OSBPL10: variants seen among roughly 807,000 people sequenced by gnomAD.
OSBPL10 encodes oxysterol-binding protein-related protein 10.
Under a neutral mutation model 81.7 loss-of-function variants are expected in OSBPL10, and 49 were observed. The ratio of observed to expected loss-of-function variants is 0.60; its 90% CI spans 0.48 to 0.76. OSBPL10 has a LOEUF of 0.76. OSBPL10 is among the 30% of genes least tolerant of loss of function. The probability of loss-of-function intolerance (pLI) is 0.00; values close to 1 mark genes in which losing one functional copy is unlikely to be tolerated. For missense variants in OSBPL10, 923 were observed against 987.8 expected, an observed-to-expected ratio of 0.93 and a Z score of 0.88; for synonymous variants, 419 against 383.6, an observed-to-expected ratio of 1.09 and a Z score of -1.08.
chr3:31,781,842 A>T (rs1698703306), intron 4 of OSBPL10, among the ~76,000 whole-genome samples: 1 of 152,218 alleles, frequency 6.6e-6, no homozygotes, highest in Non-Finnish European at 1.5e-5. Flanking sequence ...CCATGTTCAT[A>T]GATGGATGGC....
At chr3:32,042,204 C>A (rs1157113549) in intron 2 of OSBPL10, among the ~76,000 whole-genome samples, 1 of 152,208 alleles carries the variant, frequency 6.6e-6, no homozygotes, top group African/African-American at 2.4e-5. Flanking sequence ...GACAATTTCA[C>A]CTCCCATCTG....
At chr3:31,753,226 T>G (rs1006647648) in intron 4 of OSBPL10, among the ~76,000 whole-genome samples, 2 of 151,054 alleles carry the variant, frequency 1.3e-5, no homozygotes, top group African/African-American at 2.4e-5. Context: ...CAATCTTTAT[T>G]GACCAGGCTG....
At chr3:31,957,342 G>A (rs1698038455) in intron 1 of OSBPL10, among the ~76,000 whole-genome samples, 1 of 152,070 alleles carries the variant, frequency 6.6e-6, no homozygotes, top group African/African-American at 2.4e-5. Flanking sequence ...TCTCCCCTGA[G>A]CACAGTTATG....
At chr3:31,981,691 G>GCAGCCCCACCCAC (rs1698848860), upstream of OSBPL10, 1 of 152,848 alleles carries the variant, frequency 6.5e-6, no homozygotes, top group East Asian at 1.9e-4. The surrounding 1 kb of genome is among the most constrained non-coding windows in gnomAD (Gnocchi z 4.5). Flanking sequence ...GGAGGGAGGG[G>GCAGCCCCACCCAC]CAGCCCCACC....
upstream of OSBPL10, among the ~76,000 whole-genome samples, chr3:31,983,886 C>A (rs1698897337): frequency 6.6e-6 from 1 of 152,196 alleles, no homozygotes; most frequent in Non-Finnish European, 1.5e-5. Flanking sequence ...ACAGTTTCAT[C>A]TTGCTTGTTA....
At chr3:31,915,440 T>C (rs1696726906) in intron 1 of OSBPL10, among the ~76,000 whole-genome samples, 1 of 152,142 alleles carries the variant, frequency 6.6e-6, no homozygotes, top group Admixed American at 6.5e-5. Context: ...CATAAAAAAA[T>C]AATCATTTCC....
chr3:31,710,021 TAA>T (rs1696200325), intron 6 of OSBPL10, among the ~76,000 whole-genome samples: 1 of 152,144 alleles, frequency 6.6e-6, no homozygotes. Flanking sequence ...GTATTTGGGA[TAA>T]AAGTCATAGT....
intron 11 of OSBPL10, 148 bp from the exon 12 acceptor site, chr3:31,662,264 G>A (rs1700088621): frequency 7.0e-7 from 1 of 1,433,938 alleles, no homozygotes; most frequent in Non-Finnish European, 9.1e-7. Context: ...CCCCTCCTCA[G>A]CCCAGCTGCT....
intron 6 of OSBPL10, chr3:31,718,364 T>G (rs1013977394): frequency 2.6e-5 from 4 of 152,204 alleles, no homozygotes; most frequent in Non-Finnish European, 5.9e-5. Context: ...CCTGACCTCG[T>G]GATCTGTCTT....
At chr3:31,769,912 G>A (rs1213223351) in intron 4 of OSBPL10, among the ~76,000 whole-genome samples, 1 of 147,706 alleles carries the variant, frequency 6.8e-6, no homozygotes, top group Non-Finnish European at 1.5e-5. Flanking sequence ...AGAAGGTTCT[G>A]AAATCTATGG....
intron 4 of OSBPL10, among the ~76,000 whole-genome samples, chr3:31,763,327 AT>A (rs1698109361): frequency 6.6e-6 from 1 of 152,210 alleles, no homozygotes. Flanking sequence ...CAAATACTGG[AT>A]AGTAGATCAG....
At chr3:31,725,032 C>T (rs1165933466) in intron 6 of OSBPL10, among the ~76,000 whole-genome samples, 4 of 152,176 alleles carry the variant, frequency 2.6e-5, no homozygotes, top group Non-Finnish European at 4.4e-5. Flanking sequence ...ACCTTGGAAA[C>T]GTCACTTGGT....
chr3:32,038,996 A>G (rs1275759129), intron 2 of OSBPL10, among the ~76,000 whole-genome samples: 1 of 152,124 alleles, frequency 6.6e-6, no homozygotes, highest in Non-Finnish European at 1.5e-5. Flanking sequence ...GACAACAATA[A>G]AAGGAATAAT....
chr3:32,022,775 CA>C (rs200225362), intron 2 of OSBPL10, among the ~76,000 whole-genome samples: 56 of 142,212 alleles, frequency 3.9e-4, no homozygotes, highest in African/African-American at 5.4e-4. Flanking sequence ...CAAGATGCTG[CA>C]AAAAAAAAAA....
At chr3:31,797,941 T>A (rs754592537) in intron 4 of OSBPL10, 2 of 337,246 alleles carry the variant, frequency 5.9e-6, no homozygotes, top group Non-Finnish European at 1.2e-5. Flanking sequence ...GTCCCTGTTG[T>A]TAACTGAAAC....
intron 3 of OSBPL10, among the ~76,000 whole-genome samples, chr3:31,834,013 T>C (rs1700314147): frequency 6.6e-6 from 1 of 152,218 alleles, no homozygotes; most frequent in Non-Finnish European, 1.5e-5. Context: ...TTCACATCCA[T>C]GCCTTCTTTC....
rs9847380 is a variant in OSBPL10, at chr3:31,776,535, A to C, written c.730-28415T>G. Among the ~76,000 whole-genome samples the C allele has an allele frequency of 4.7e-3, 720 of 152,348 alleles. 8 individuals are homozygous for C. The highest frequency in any genetic ancestry group is 0.017 in the African/African-American group (701 of 41,568). ...CACAGCAGCACTATTCACAATAGCC[A>C]AAGGTGGAAGCAGCCCAAATGTCCA... On this transcript the variant is annotated intron_variant, in intron 4 of 11. Coordinates refer to ENST00000396556, the MANE Select transcript of OSBPL10 (RefSeq NM_017784.5).
chr3:32,050,086 C>T (rs546356680), intron 1 of OSBPL10, among the ~76,000 whole-genome samples: 4 of 152,264 alleles, frequency 2.6e-5, no homozygotes, highest in African/African-American at 9.6e-5. Flanking sequence ...ATGAAGTTTC[C>T]CTCTTGTCCC....
At chr3:31,960,123 G>T (rs906349731) in intron 1 of OSBPL10, 1 of 152,178 alleles carries the variant, frequency 6.6e-6, no homozygotes, top group Non-Finnish European at 1.5e-5. Flanking sequence ...ACTTTGCTGA[G>T]TGCTTAAGAA....
Sources: gnomAD v4.1 joint callset for allele counts (sites outside exome capture counted in the v4.1 genomes callset) on GRCh38, gnomAD v4.1.1 for gene constraint, Gnocchi (gnomAD v3.1) non-coding constraint, MANE v1.5 for transcripts, NCBI Gene and HGNC (gene_info 2026-07-23, HGNC 2026-07-21) for gene names.